Variants in CELF4 observed in about 807,000 individuals in gnomAD.
The protein encoded by CELF4 is CUGBP Elav-like family member 4, also known as CUG-BP- and ETR-3-like factor 4.
In CELF4, 18 loss-of-function variants were observed where a neutral mutation model predicts 59.9. The ratio of observed to expected loss-of-function variants is 0.30; its 90% CI spans 0.21 to 0.45. The LOEUF is 0.45. Ranked by LOEUF, CELF4 falls within the 20% of genes least tolerant of loss-of-function variation. The pLI, the probability that CELF4 is intolerant of heterozygous loss-of-function variation, is 1.00. For missense variants in CELF4, 456 were observed against 689.0 expected (o/e 0.66, Z 3.79); for synonymous variants, 261 against 267.1 (o/e 0.98, Z 0.22).
intron 2 of CELF4, among the ~76,000 whole-genome samples, chr18:37,469,565 A>T (rs187472753): frequency 6.6e-6 from 1 of 152,360 alleles, no homozygotes; most frequent in Admixed American, 6.5e-5. Context: ...ACTAAACGCC[A>T]CAGATAATTA....
chr18:37,554,026 C>G (rs1310830218), intron 1 of CELF4, among the ~76,000 whole-genome samples: 1 of 152,240 alleles, frequency 6.6e-6, no homozygotes, highest in African/African-American at 2.4e-5. Context: ...TCTGGGCTCT[C>G]TGCTGTTCTC....
At chr18:37,322,089 AG>A (rs1318436028) in intron 2 of CELF4, among the ~76,000 whole-genome samples, 1 of 152,134 alleles carries the variant, frequency 6.6e-6, no homozygotes, top group Admixed American at 6.5e-5. Context: ...CCATTCTTTC[AG>A]GGGGGTGTCT....
chr18:37,447,114 C>T (rs1202676708), intron 2 of CELF4, among the ~76,000 whole-genome samples: 5 of 152,232 alleles, frequency 3.3e-5, no homozygotes, highest in East Asian at 3.9e-4. Context: ...AAAAATAATC[C>T]GATAAAGGGC....
chr18:37,458,146 A>C (rs887287822), intron 2 of CELF4, among the ~76,000 whole-genome samples: 2 of 152,154 alleles, frequency 1.3e-5, no homozygotes, highest in African/African-American at 4.8e-5. Flanking sequence ...CGGGACGGCT[A>C]AGGTCATGAA....
chr18:37,415,094 G>A (rs2099516640), intron 2 of CELF4, among the ~76,000 whole-genome samples: 1 of 152,240 alleles, frequency 6.6e-6, no homozygotes, highest in East Asian at 1.9e-4. Context: ...GAGATGTGGA[G>A]TAGGAGAAAA....
chr18:37,271,663 C>G (rs2091350505), intron 7 of CELF4, among the ~76,000 whole-genome samples: 1 of 152,164 alleles, frequency 6.6e-6, no homozygotes, highest in Non-Finnish European at 1.5e-5. Flanking sequence ...GGAAGTTTTT[C>G]TGCTCAGATG....
intron 2 of CELF4, among the ~76,000 whole-genome samples, chr18:37,413,007 C>A (rs1389697171): frequency 6.6e-6 from 1 of 152,124 alleles, no homozygotes; most frequent in Non-Finnish European, 1.5e-5. Context: ...GGGCTCCCCT[C>A]CCCGCCCAGG....
intron 2 of CELF4, among the ~76,000 whole-genome samples, chr18:37,436,021 GA>G (rs1352210352): frequency 2.6e-5 from 4 of 152,202 alleles, no homozygotes; most frequent in African/African-American, 7.2e-5. Context: ...CCTCTCTAGG[GA>G]GGGGTGAGCT....
intron 3 of CELF4, among the ~76,000 whole-genome samples, chr18:37,284,024 A>ACCCCCAATACACTCACAACACATACAC (rs2094482671): frequency 2.4e-4 from 1 of 4,198 alleles, no homozygotes; most frequent in Non-Finnish European, 4.9e-4. Context: ...ATGCACACAC[A>ACCCCCAATACACTCACAACACATACAC]CCCAACACAC....
chr18:37,321,164 G>A (rs1389041273), intron 3 of CELF4, among the ~76,000 whole-genome samples: 11 of 152,102 alleles, frequency 7.2e-5, no homozygotes, highest in African/African-American at 2.2e-4. Context: ...CTGGCTGGCC[G>A]TCTGCCTAAC....
chr18:37,410,455 A>G (rs1044452813), intron 2 of CELF4, among the ~76,000 whole-genome samples: 4 of 152,202 alleles, frequency 2.6e-5, no homozygotes, highest in Non-Finnish European at 4.4e-5. Context: ...CACCCACTCC[A>G]CACCTGGGCT....
intron 2 of CELF4, among the ~76,000 whole-genome samples, chr18:37,338,758 C>CTGTG (rs2097870788): frequency 2.6e-5 from 1 of 37,976 alleles, no homozygotes; most frequent in Non-Finnish European, 6.1e-5. Flanking sequence ...AATGCAGGAG[C>CTGTG]CGTGTGTGTG....
chr18:37,360,548 A>T (rs144847449), intron 2 of CELF4, among the ~76,000 whole-genome samples: 2,495 of 152,336 alleles, frequency 0.016, 28 homozygotes, highest in Middle Eastern at 0.031. Context: ...CATCCCCAAA[A>T]TGAGGACAGA....
At chr18:37,434,716 G>A (rs1020672080) in intron 2 of CELF4, among the ~76,000 whole-genome samples, 2 of 152,126 alleles carry the variant, frequency 1.3e-5, no homozygotes, top group Non-Finnish European at 2.9e-5. Context: ...CCACAGATGC[G>A]ATCAGTAAAT....
intron 3 of CELF4, among the ~76,000 whole-genome samples, chr18:37,292,327 CAA>C (rs1051976017): frequency 7.9e-5 from 12 of 152,156 alleles, no homozygotes; most frequent in African/African-American, 2.9e-4. Context: ...TACATTTTAA[CAA>C]GACTGTCCAA....
At chr18:37,532,226 C>T (rs1569569777) in intron 1 of CELF4, among the ~76,000 whole-genome samples, 1 of 152,180 alleles carries the variant, frequency 6.6e-6, no homozygotes, top group Non-Finnish European at 1.5e-5. Context: ...CGAAGGACAC[C>T]CCGTGCAGCA....
chr18:37,296,471 C>G (rs1465196797), intron 3 of CELF4, among the ~76,000 whole-genome samples: 1 of 152,232 alleles, frequency 6.6e-6, no homozygotes, highest in Admixed American at 6.5e-5. Context: ...ACTGGGATTA[C>G]AGGTGTGAGC....
At chr18:37,255,455 G>C (rs1374548460) in intron 11 of CELF4, among the ~76,000 whole-genome samples, 1 of 151,362 alleles carries the variant, frequency 6.6e-6, no homozygotes, top group Non-Finnish European at 1.5e-5. Context: ...GTCAGAGCTG[G>C]GCCCAGAGCA....
At chr18:37,359,840 C>T (rs2098673104) in intron 2 of CELF4, among the ~76,000 whole-genome samples, 1 of 151,684 alleles carries the variant, frequency 6.6e-6, no homozygotes, top group Admixed American at 6.6e-5. Flanking sequence ...AGTCACCATG[C>T]CTGGGCTTTC....
Sources: allele counts gnomAD v4.1 joint callset (sites outside exome capture counted in the v4.1 genomes callset), GRCh38; gene constraint gnomAD v4.1.1; transcripts MANE v1.5; gene names NCBI Gene and HGNC (gene_info 2026-07-23, HGNC 2026-07-21).